Variants in HSD17B6 observed in about 807,000 individuals in gnomAD.
The protein encoded by HSD17B6 is 17-beta-hydroxysteroid dehydrogenase type 6.
In HSD17B6, 16 loss-of-function variants were observed where a neutral mutation model predicts 26.4. That is an observed-to-expected ratio of 0.61 (90% confidence interval 0.41 to 0.92). The LOEUF is 0.92. HSD17B6 is among the 40% of genes least tolerant of loss of function. The pLI, the probability that HSD17B6 is intolerant of heterozygous loss-of-function variation, is 0.00. For missense variants in HSD17B6, 357 were observed against 386.1 expected (o/e 0.92, Z 0.63); for synonymous variants, 139 against 153.0 (o/e 0.91, Z 0.68).
Position 56,774,011 on chromosome 12 carries a change from C to T in HSD17B6, c.159C>T (p.Gly53=). ...TGGCCAGACAGCTGGATGCACGAGG[C>T]TTGAGAGTGCTGGCTGCGTGTCTGA... is the stretch of plus-strand genomic sequence containing the variant. The part of the protein sequence containing the change: ...NLLARQLDAR[G]LRVLAACLTE... Residue 53 remains glycine, a synonymous_variant, in exon 2 of 5, where the codon GGC becomes GGT. Transcript: ENST00000322165. 1.9e-6 allele frequency: 3 copies of T among 1,614,036 alleles called. No homozygotes were observed. Among genetic ancestry groups the T allele is most frequent in the Non-Finnish European group, 2.5e-6 (3 of 1,180,008 alleles).
rs1240630939 is a variant in HSD17B6, at chr12:56,784,074, C to T, written c.573-779C>T. 6.7e-4 allele frequency among the ~76,000 whole-genome samples: 96 copies of T among 144,284 alleles called. 1 individual carries two copies. The highest frequency in any genetic ancestry group is 1.1e-3 in the Admixed American group (16 of 14,620). The allele number at this position is 144,284 out of a possible 152,430, so 94.7% of individuals were successfully genotyped here. A position where few individuals can be genotyped will look rare whatever the true frequency, so the allele number is the denominator to read the frequency against. On this transcript the variant is annotated intron_variant, in intron 3 of 4. Coordinates refer to ENST00000322165, the MANE Select transcript of HSD17B6 (RefSeq NM_003725.4). ...GCAGAGGCGCTCCCCACATCTCAGA[C>T]GATGGGCAGCCGGGCAGAGACGCTC...
intron 1 of HSD17B6, among the ~76,000 whole-genome samples, chr12:56,766,856 G>A (rs1354472478): frequency 5.3e-5 from 8 of 152,190 alleles, no homozygotes; most frequent in Admixed American, 2.6e-4. Flanking sequence ...GTAGGAGAAC[G>A]GGAGTAGAGC....
rs1954540606 is a variant in HSD17B6 at position 56,774,099 on chromosome 12, G to A, written c.247G>A (p.Asp83Asn). The A allele has an allele frequency of 1.9e-6, 3 of 1,611,608 alleles. No individual in the cohort carries two copies. Among genetic ancestry groups the A allele is most frequent in the Non-Finnish European group, 2.5e-6 (3 of 1,178,376 alleles). Residue 83 changes from aspartate to asparagine, a missense_variant, in exon 2 of 5, where the codon GAT becomes AAT. Transcript: ENST00000322165. Reference protein sequence around the residue: ...TSDRLETVTLDVTKMESIAAA... With the variant: ...TSDRLETVTLNVTKMESIAAA... Reference sequence around the variant, plus strand: ...TGACAGGCTGGAGACGGTGACCCTGGATGTTACCAAGATGGAGAGCATCGC... The same window carrying A: ...TGACAGGCTGGAGACGGTGACCCTGAATGTTACCAAGATGGAGAGCATCGC...
At chr12:56,782,269 T>A (rs1218955808) in intron 3 of HSD17B6, 37 bp downstream of exon 3, 1 of 1,599,908 alleles carries the variant, frequency 6.3e-7, no homozygotes, top group African/African-American at 1.3e-5. Context: ...TATTGAGCAC[T>A]GAAATATGTC....
chr12:56,767,821 GTGTGTATATA>G (rs1209585210), intron 1 of HSD17B6, among the ~76,000 whole-genome samples: 7 of 145,644 alleles, frequency 4.8e-5, no homozygotes, highest in South Asian at 2.1e-4. Context: ...TAATATATAT[GTGTGTATATA>G]TGTGTATATA....
In HSD17B6 at chr12:56,779,144, AT is replaced by A. The variant is rs1322850215; in HGVS notation, c.314-2821del. 3.4e-3 allele frequency among the ~76,000 whole-genome samples: 503 copies of A among 148,664 alleles called. 2 individuals are homozygous for A. The highest frequency in any genetic ancestry group is 0.012 in the African/African-American group (475 of 40,498). ...TATACTACTTTATTATTATTATTTT[AT>A]TTTTTTTTAGAGGCAAAGTCTCACT... On this transcript the variant is annotated intron_variant, in intron 2 of 4. Coordinates refer to ENST00000322165, the MANE Select transcript of HSD17B6 (RefSeq NM_003725.4).
chr12:56,785,071 A>G (rs2137935308), intron 4 of HSD17B6, 55 bp downstream of exon 4: 1 of 1,496,432 alleles, frequency 6.7e-7, no homozygotes, highest in East Asian at 2.3e-5. Context: ...GTCCATTCTC[A>G]TGCTGCTATG....
At chr12:56,786,686 C>T (rs932407867) in intron 4 of HSD17B6, among the ~76,000 whole-genome samples, 1 of 152,064 alleles carries the variant, frequency 6.6e-6, no homozygotes, top group African/African-American at 2.4e-5. Flanking sequence ...CTTGTGTCTA[C>T]AAAAAATAAA....
intron 1 of HSD17B6, among the ~76,000 whole-genome samples, chr12:56,767,276 G>T (rs1954350183): frequency 6.6e-6 from 1 of 151,972 alleles, no homozygotes; most frequent in African/African-American, 2.4e-5. Context: ...ACTTTGGGAG[G>T]CTGAGGTGGG....
chr12:56,765,937 C>T (rs1223655218), intron 1 of HSD17B6, among the ~76,000 whole-genome samples: 10 of 152,268 alleles, frequency 6.6e-5, no homozygotes, highest in Non-Finnish European at 1.2e-4. Context: ...CCCCTGTGAC[C>T]TGCATGTATA....
At chr12:56,776,614 T>C (rs1219458083) in intron 2 of HSD17B6, among the ~76,000 whole-genome samples, 1 of 152,188 alleles carries the variant, frequency 6.6e-6, no homozygotes, top group African/African-American at 2.4e-5. Context: ...TCTCCATGTC[T>C]TTTCATGGCT....
intron 1 of HSD17B6, among the ~76,000 whole-genome samples, chr12:56,773,164 A>G (rs1954514917): frequency 6.6e-6 from 1 of 152,136 alleles, no homozygotes; most frequent in Non-Finnish European, 1.5e-5. Flanking sequence ...ACTCACCCAA[A>G]CTATTGGATC....
chr12:56,773,866 T>C lies in HSD17B6; in HGVS notation c.14T>C (p.Leu5Pro), dbSNP rs1413012196. The C allele has an allele frequency of 2.5e-6, 4 of 1,571,372 alleles. No individual in the cohort carries two copies. The highest frequency in any genetic ancestry group is 1.4e-5 in the African/African-American group (1 of 74,040). The change falls in exon 2 of 5, where the codon CTG (leucine) becomes CCG (proline). Residue 5 changes from leucine to proline, a missense_variant. Physicochemically the swap from Leu to Pro is moderately conservative, Grantham distance 98. Coordinates refer to ENST00000322165, the MANE Select transcript of HSD17B6 (RefSeq NM_003725.4). ...AGCACCCTCACTATGTGGCTCTACC[T>C]GGCGGCCTTCGTGGGCCTGTACTAC... MWLY[L>P]AAFVGLYYLL...
intron 2 of HSD17B6, among the ~76,000 whole-genome samples, chr12:56,776,838 C>T (rs1359591170): frequency 2.0e-5 from 3 of 152,126 alleles, no homozygotes; most frequent in East Asian, 1.9e-4. Flanking sequence ...TTCTTTTTCT[C>T]GCTGCATAGT....
At chr12:56,778,366 C>T (rs1236060829) in intron 2 of HSD17B6, among the ~76,000 whole-genome samples, 1 of 152,132 alleles carries the variant, frequency 6.6e-6, no homozygotes, top group Non-Finnish European at 1.5e-5. Flanking sequence ...CAGCTCACTG[C>T]AGCCTCTGCT....
rs866859516 is a variant in HSD17B6 at position 56,787,258 on chromosome 12, C to T, written c.870C>T (p.Phe290=). 5.6e-6 allele frequency: 9 copies of T among 1,612,640 alleles called. No homozygotes were observed. The Middle Eastern group carries it at 1.3e-3, about 236-fold the overall frequency. Residue 290 remains phenylalanine, a synonymous_variant, in exon 5 of 5, where the codon TTC becomes TTT. Transcript: ENST00000322165. ...CAGCTGGCTGGGATGCTAAATTTTT[C>T]TTCATCCCTCTATCTTATTTACCTA... ...RYSAGWDAKF[F]FIPLSYLPTS...
intron 4 of HSD17B6, among the ~76,000 whole-genome samples, chr12:56,786,191 A>G (rs942870609): frequency 2.6e-5 from 4 of 151,998 alleles, no homozygotes; most frequent in Admixed American, 6.6e-5. Flanking sequence ...GTATATTCCC[A>G]TATCTGTGTT....
chr12:56,774,143 G>A lies in HSD17B6; in HGVS notation c.291G>A (p.Val97=). 2 of 1,580,618 alleles carry A rather than the reference G, an allele frequency of 1.3e-6. No individual in the cohort carries two copies. The highest frequency in any genetic ancestry group is 1.7e-6 in the Non-Finnish European group (2 of 1,161,426). ...MESIAAATQW[V]KEHVGDRGLW... ...GCATCGCTGCAGCTACTCAGTGGGT[G>A]AAGGAGCATGTGGGGGACAGAGGTA... Residue 97 remains valine, a synonymous_variant, in exon 2 of 5, where the codon GTG becomes GTA. Transcript: ENST00000322165.
At chr12:56,776,220 C>A (rs1954588739) in intron 2 of HSD17B6, among the ~76,000 whole-genome samples, 1 of 152,166 alleles carries the variant, frequency 6.6e-6, no homozygotes, top group African/African-American at 2.4e-5. Flanking sequence ...GCCATCGCGC[C>A]CGGCTGGAAT....
Sources: gnomAD v4.1 joint callset for allele counts (sites outside exome capture counted in the v4.1 genomes callset) on GRCh38, gnomAD v4.1.1 for gene constraint, MANE v1.5 for transcripts, NCBI Gene and HGNC (gene_info 2026-07-23, HGNC 2026-07-21) for gene names.